The following PTPRD variants were observed in gnomAD, a reference collection of about 807,000 sequenced individuals.
PTPRD encodes receptor-type tyrosine-protein phosphatase delta.
PTPRD carries 34 observed loss-of-function variants against 214.5 expected under a neutral mutation model. The ratio of observed to expected loss-of-function variants is 0.16; its 90% CI spans 0.12 to 0.21. The LOEUF (loss-of-function observed/expected upper bound fraction) is 0.21, where lower values mean the gene tolerates loss of function less well. Among genes scored for constraint, PTPRD ranks in the 10% least tolerant of loss-of-function variants. PTPRD has a pLI of 1.00. For missense variants in PTPRD, 2,545 were observed against 2,398.7 expected, an observed-to-expected ratio of 1.06 and a Z score of -1.27; for synonymous variants, 1,128 against 845.7, an observed-to-expected ratio of 1.33 and a Z score of -5.79.
At chr9:10,417,921 T>A (rs982854634) in intron 2 of PTPRD, among the ~76,000 whole-genome samples, 12 of 151,776 alleles carry the variant, frequency 7.9e-5, no homozygotes, top group African/African-American at 2.9e-4. Flanking sequence ...AGATGGTTTT[T>A]TTTTTAAGTT....
Position 10,359,684 on chromosome 9 carries a change from G to C in PTPRD, c.-599-18667C>G, listed in dbSNP as rs78427037. 1.1e-3 allele frequency among the ~76,000 whole-genome samples: 164 copies of C among 152,162 alleles called. 6 individuals carry two copies. In the East Asian group the frequency reaches 0.029, roughly 27 times the overall value. ...TAAAAATAATTGTGTGTGCTGCAGC[G>C]AACTAAGTTCTGCAGTGTAATTAAA... On this transcript the variant is annotated intron_variant, in intron 2 of 45. Coordinates refer to ENST00000381196, the MANE Select transcript of PTPRD (RefSeq NM_002839.4).
intron 10 of PTPRD, among the ~76,000 whole-genome samples, chr9:9,076,138 G>C (rs1048379590): frequency 5.9e-5 from 9 of 152,142 alleles, no homozygotes; most frequent in Non-Finnish European, 4.4e-5. Context: ...CTGTGGTCTT[G>C]ATTTGAATTT....
chr9:9,142,839 C>T (rs1057366039), intron 10 of PTPRD, among the ~76,000 whole-genome samples: 1 of 152,062 alleles, frequency 6.6e-6, no homozygotes, highest in Non-Finnish European at 1.5e-5. Context: ...ATTCATCTGG[C>T]TCTGTGTCCT....
At chr9:10,588,540 TC>T (rs2074552149) in intron 2 of PTPRD, among the ~76,000 whole-genome samples, 1 of 151,460 alleles carries the variant, frequency 6.6e-6, no homozygotes, top group Non-Finnish European at 1.5e-5. Flanking sequence ...GAATCAGAAC[TC>T]ATACTATTGA....
chr9:8,572,836 G>GA (rs781718011), intron 14 of PTPRD, among the ~76,000 whole-genome samples: 24 of 151,814 alleles, frequency 1.6e-4, no homozygotes, highest in Non-Finnish European at 3.1e-4. Context: ...TTGGTGCTCT[G>GA]ATTATATTGG....
chr9:10,271,064 A>G (rs560341520), intron 3 of PTPRD, among the ~76,000 whole-genome samples: 1 of 152,158 alleles, frequency 6.6e-6, no homozygotes, highest in South Asian at 2.1e-4. Flanking sequence ...GCCTCAAGTG[A>G]TCTTTTGTTT....
At chr9:8,690,557 A>G (rs941461013) in intron 12 of PTPRD, among the ~76,000 whole-genome samples, 4 of 151,980 alleles carry the variant, frequency 2.6e-5, no homozygotes, top group Admixed American at 6.5e-5. Context: ...AGATTTAATC[A>G]TATGGTCAGT....
intron 5 of PTPRD, among the ~76,000 whole-genome samples, chr9:9,927,321 C>A (rs1249537950): frequency 1.3e-5 from 2 of 152,074 alleles, no homozygotes; most frequent in Non-Finnish European, 2.9e-5. Context: ...GTATTACCTT[C>A]CATTATTACT....
Position 10,096,562 on chromosome 9 carries a change from CAA to C in PTPRD, c.-544-62774_-544-62773del. On this transcript the variant is annotated intron_variant, in intron 3 of 45. Coordinates refer to ENST00000381196, the MANE Select transcript of PTPRD (RefSeq NM_002839.4). The stretch of plus-strand genomic sequence containing the variant: ...CTTTTGAGAAGTGTCTGTTCATGTC[CAA>C]TGCCCACTTTTTGATGGGGTTTTTT... Among the ~76,000 whole-genome samples, 8 of 152,014 alleles carry C rather than the reference CAA, an allele frequency of 5.3e-5. No individual in the cohort carries two copies. The South Asian group carries it at 6.2e-4, about 12-fold the overall frequency.
At chr9:8,711,948 C>T (rs1401542354) in intron 12 of PTPRD, among the ~76,000 whole-genome samples, 1 of 152,096 alleles carries the variant, frequency 6.6e-6, no homozygotes, top group Non-Finnish European at 1.5e-5. Flanking sequence ...GAAGCCAGAC[C>T]CAAAAGGCTA....
At chr9:8,703,713 G>A (rs2098139571) in intron 12 of PTPRD, among the ~76,000 whole-genome samples, 1 of 152,004 alleles carries the variant, frequency 6.6e-6, no homozygotes, top group South Asian at 2.1e-4. Flanking sequence ...TGTTGATTTT[G>A]TCTAATCCCG....
intron 24 of PTPRD, among the ~76,000 whole-genome samples, 162 bp downstream of exon 24, chr9:8,500,592 G>T (rs1442800730): frequency 3.7e-5 from 2 of 53,540 alleles, no homozygotes; most frequent in African/African-American, 7.8e-5. Context: ...AAAAAAAAAG[G>T]CCAGGCTGTA....
At chr9:9,663,984 A>AG (rs1353669909) in intron 7 of PTPRD, among the ~76,000 whole-genome samples, 1 of 151,172 alleles carries the variant, frequency 6.6e-6, no homozygotes, top group African/African-American at 2.4e-5. Flanking sequence ...ATTACAATGA[A>AG]GGAGAACTTA....
intron 7 of PTPRD, among the ~76,000 whole-genome samples, chr9:9,604,128 A>G (rs2093987189): frequency 6.6e-6 from 1 of 151,662 alleles, no homozygotes; most frequent in Admixed American, 6.6e-5. Flanking sequence ...AGTTTTGGAG[A>G]GTTGATCCCT....
chr9:9,500,676 T>C (rs185653241), intron 8 of PTPRD, among the ~76,000 whole-genome samples: 2 of 152,056 alleles, frequency 1.3e-5, no homozygotes, highest in South Asian at 4.2e-4. Flanking sequence ...AGATGAAGAT[T>C]TGGATCCATA....
chr9:8,825,295 G>T (rs1321388104), intron 11 of PTPRD, among the ~76,000 whole-genome samples: 1 of 152,148 alleles, frequency 6.6e-6, no homozygotes, highest in Non-Finnish European at 1.5e-5. Flanking sequence ...ATAACTTAAA[G>T]GAAAGTACAC....
chr9:10,424,253 C>T (rs1395114395), intron 2 of PTPRD, among the ~76,000 whole-genome samples: 3 of 150,172 alleles, frequency 2.0e-5, no homozygotes, highest in Non-Finnish European at 4.4e-5. Context: ...AAGCATTGGC[C>T]AAAAAAAGAA....
intron 10 of PTPRD, among the ~76,000 whole-genome samples, chr9:9,057,849 G>C (rs2099699184): frequency 6.6e-6 from 1 of 152,072 alleles, no homozygotes; most frequent in Non-Finnish European, 1.5e-5. Context: ...GTCAAGGTAT[G>C]TGCAAAGAAT....
intron 5 of PTPRD, among the ~76,000 whole-genome samples, chr9:9,852,918 C>G (rs2060820130): frequency 1.3e-5 from 2 of 152,060 alleles, no homozygotes; most frequent in African/African-American, 4.8e-5. Context: ...TGCACTATAC[C>G]TGAGTGAATC....
Sources: gnomAD v4.1 joint callset for allele counts (sites outside exome capture counted in the v4.1 genomes callset) on GRCh38, gnomAD v4.1.1 for gene constraint, MANE v1.5 for transcripts, NCBI Gene and HGNC (gene_info 2026-07-23, HGNC 2026-07-21) for gene names.